AGBL4: variants seen among roughly 807,000 people sequenced by gnomAD.
The protein encoded by AGBL4 is AGBL carboxypeptidase 4.
Under a neutral mutation model 66.4 loss-of-function variants are expected in AGBL4, and 58 were observed. The observed-to-expected ratio is 0.87, with a 90% CI of 0.71 to 1.09. The LOEUF is 1.09. AGBL4 is among the 50% of genes least tolerant of loss of function. AGBL4 has a pLI of 0.00. For synonymous variants in AGBL4, 234 were observed against 222.9 expected (o/e 1.05, Z -0.44); for missense variants, 579 against 631.0 (o/e 0.92, Z 0.88).
intron 6 of AGBL4, among the ~76,000 whole-genome samples, chr1:48,706,524 A>G (rs962870977): frequency 6.6e-6 from 1 of 152,106 alleles, no homozygotes; most frequent in Non-Finnish European, 1.5e-5. Context: ...TACAACTACA[A>G]AATATTTAGA....
intron 4 of AGBL4, among the ~76,000 whole-genome samples, chr1:49,145,837 A>C (rs1360434095): frequency 1.3e-5 from 2 of 152,230 alleles, no homozygotes; most frequent in Non-Finnish European, 2.9e-5. Flanking sequence ...CACAATAGCC[A>C]AGATTTGGAA....
intron 3 of AGBL4, among the ~76,000 whole-genome samples, chr1:49,630,094 C>T (rs2124351530): frequency 6.6e-6 from 1 of 152,224 alleles, no homozygotes; most frequent in African/African-American, 2.4e-5. Flanking sequence ...TTGTTAAACA[C>T]CTCCAGCTGG....
At chr1:49,220,447 AAGG>A (rs1649409445) in intron 4 of AGBL4, among the ~76,000 whole-genome samples, 1 of 152,184 alleles carries the variant, frequency 6.6e-6, no homozygotes, top group South Asian at 2.1e-4. Context: ...TCCTTGGTAA[AAGG>A]AGAATATCTG....
chr1:48,955,304 G>T (rs1319631786), intron 5 of AGBL4, among the ~76,000 whole-genome samples: 2 of 152,186 alleles, frequency 1.3e-5, no homozygotes, highest in African/African-American at 2.4e-5. Flanking sequence ...TATGGGTAAT[G>T]CTGCAGTTGA....
chr1:49,389,767 T>TTTAA (rs1382020770), intron 3 of AGBL4, among the ~76,000 whole-genome samples: 1 of 152,102 alleles, frequency 6.6e-6, no homozygotes, highest in African/African-American at 2.4e-5. Flanking sequence ...GGAAGACCCT[T>TTTAA]TTAAGGTTTC....
At chr1:49,107,692 TGTGAGAGAGA>T (rs1218948279) in intron 4 of AGBL4, among the ~76,000 whole-genome samples, 57 of 117,796 alleles carry the variant, frequency 4.8e-4, no homozygotes, top group African/African-American at 5.8e-4. Context: ...TGTGTGTGTG[TGTGAGAGAGA>T]GAGAGAGAGA....
intron 1 of AGBL4, among the ~76,000 whole-genome samples, chr1:49,958,032 G>A (rs531322128): frequency 6.6e-6 from 1 of 152,134 alleles, no homozygotes; most frequent in South Asian, 2.1e-4. Flanking sequence ...GCTTCCTTCA[G>A]GAGCTCTTGT....
At chr1:48,870,771 C>T (rs4559558) in intron 5 of AGBL4, among the ~76,000 whole-genome samples, 148,643 of 152,256 alleles carry the variant, frequency 0.98, 72,646 homozygotes, top group East Asian at 1. Context: ...CCCTTTAACC[C>T]ACCGATCACT....
intron 5 of AGBL4, among the ~76,000 whole-genome samples, chr1:48,915,472 C>T (rs1570991332): frequency 6.6e-6 from 1 of 152,174 alleles, no homozygotes; most frequent in Non-Finnish European, 1.5e-5. Context: ...GTTTATATCT[C>T]CCATCTCCAG....
chr1:48,982,506 T>G (rs1659858740), intron 5 of AGBL4, among the ~76,000 whole-genome samples: 1 of 152,128 alleles, frequency 6.6e-6, no homozygotes, highest in African/African-American at 2.4e-5. Context: ...TTCATCCATG[T>G]CCCTACAAAG....
At chr1:49,494,399 A>G (rs922887018) in intron 3 of AGBL4, among the ~76,000 whole-genome samples, 2 of 151,884 alleles carry the variant, frequency 1.3e-5, no homozygotes, top group African/African-American at 4.8e-5. Context: ...AGCATTAGGT[A>G]TATCTCCCAA....
At chr1:49,729,125 C>T (rs980623344) in intron 2 of AGBL4, among the ~76,000 whole-genome samples, 1 of 152,134 alleles carries the variant, frequency 6.6e-6, no homozygotes, top group African/African-American at 2.4e-5. Flanking sequence ...ATAAAAGTAA[C>T]AGAGGCAATC....
chr1:49,580,323 T>A (rs1644518056), intron 3 of AGBL4, among the ~76,000 whole-genome samples: 1 of 152,214 alleles, frequency 6.6e-6, no homozygotes, highest in Non-Finnish European at 1.5e-5. Context: ...TCAAGGTTAT[T>A]ATTAGTATGT....
intron 2 of AGBL4, among the ~76,000 whole-genome samples, chr1:49,822,360 G>T (rs1033550489): frequency 2.0e-5 from 3 of 147,390 alleles, no homozygotes; most frequent in African/African-American, 7.5e-5. Flanking sequence ...ACGGAGTCTC[G>T]CTCTGTCACC....
chr1:49,640,865 G>T lies in AGBL4; in HGVS notation c.282+56448C>A, dbSNP rs75725324. On this transcript the variant is annotated intron_variant, in intron 3 of 13. Transcript: ENST00000371839. ...CAGAACTGCCTTGTATTTGTACAGT[G>T]ATTTAGATTTTACCAAGCTCTTTTA... Among the ~76,000 whole-genome samples the T allele has an allele frequency of 2.9e-3, 434 of 152,212 alleles. 3 individuals carry two copies. The highest frequency in any genetic ancestry group is 9.9e-3 in the African/African-American group (412 of 41,554).
intron 3 of AGBL4, among the ~76,000 whole-genome samples, chr1:49,674,131 C>CTA (rs1170941763): frequency 6.6e-6 from 1 of 152,040 alleles, no homozygotes; most frequent in Non-Finnish European, 1.5e-5. Context: ...CACTAGTGAT[C>CTA]TATAAGCACC....
At chr1:49,418,868 C>G (rs1242755210) in intron 3 of AGBL4, among the ~76,000 whole-genome samples, 2 of 152,138 alleles carry the variant, frequency 1.3e-5, no homozygotes, top group Admixed American at 1.3e-4. Context: ...GGCATTAAAG[C>G]TATTAAGCAG....
chr1:49,596,173 C>A (rs985604224), intron 3 of AGBL4, among the ~76,000 whole-genome samples: 2 of 152,002 alleles, frequency 1.3e-5, no homozygotes, highest in African/African-American at 4.8e-5. Context: ...CATGGAGGTC[C>A]TTTGTTTGTT....
chr1:49,773,165 C>T (rs775167536), intron 2 of AGBL4, among the ~76,000 whole-genome samples: 1 of 151,998 alleles, frequency 6.6e-6, no homozygotes, highest in Non-Finnish European at 1.5e-5. Context: ...AAATAGTAAG[C>T]TCTCATATTT....
Sources: gnomAD v4.1 joint callset for allele counts (sites outside exome capture counted in the v4.1 genomes callset) on GRCh38, gnomAD v4.1.1 for gene constraint, MANE v1.5 for transcripts, NCBI Gene and HGNC (gene_info 2026-07-23, HGNC 2026-07-21) for gene names.